The following NECAB1 variants were observed in gnomAD, a reference collection of about 807,000 sequenced individuals.
NECAB1 encodes N-terminal EF-hand calcium binding protein 1.
In NECAB1, 29 loss-of-function variants were observed where a neutral mutation model predicts 57.5. That is an observed-to-expected ratio of 0.50 (90% CI 0.38 to 0.69). The LOEUF is 0.69. Ranked by LOEUF, NECAB1 falls within the 30% of genes least tolerant of loss-of-function variation. The probability of loss-of-function intolerance (pLI) is 0.00; values close to 1 mark genes in which losing one functional copy is unlikely to be tolerated. For synonymous variants in NECAB1, 142 were observed against 147.7 expected (o/e 0.96, Z 0.28); for missense variants, 372 against 413.8 (o/e 0.90, Z 0.88).
chr8:90,796,644 C>A (rs1563489622), intron 1 of NECAB1, among the ~76,000 whole-genome samples: 1 of 152,150 alleles, frequency 6.6e-6, no homozygotes, highest in African/African-American at 2.4e-5. Flanking sequence ...TGCCTGTCTT[C>A]AAATTTTAAG....
chr8:90,831,788 T>G (rs1021497074), intron 3 of NECAB1, among the ~76,000 whole-genome samples: 1 of 152,134 alleles, frequency 6.6e-6, no homozygotes, highest in Non-Finnish European at 1.5e-5. Flanking sequence ...TAACATCTGG[T>G]TTTCTTCTCC....
At chr8:90,831,835 G>C (rs143960868) in intron 3 of NECAB1, among the ~76,000 whole-genome samples, 1 of 152,210 alleles carries the variant, frequency 6.6e-6, no homozygotes, top group Non-Finnish European at 1.5e-5. Flanking sequence ...TAGTATAGAT[G>C]TTCTGGGAAA....
At chr8:90,936,039 T>G (rs921890089) in intron 9 of NECAB1, among the ~76,000 whole-genome samples, 2 of 152,114 alleles carry the variant, frequency 1.3e-5, no homozygotes, top group Non-Finnish European at 2.9e-5. Flanking sequence ...CAATAAGATA[T>G]TTGTCATTAA....
intron 11 of NECAB1, among the ~76,000 whole-genome samples, 161 bp downstream of exon 11, chr8:90,950,045 T>C (rs147477884): frequency 1.3e-3 from 193 of 152,328 alleles, no homozygotes; most frequent in Non-Finnish European, 2.2e-3. Flanking sequence ...AAAAAATGTA[T>C]TTAATAGCTT....
intron 6 of NECAB1, among the ~76,000 whole-genome samples, chr8:90,924,143 C>T (rs756528522): frequency 2.0e-5 from 3 of 152,098 alleles, no homozygotes; most frequent in Admixed American, 1.3e-4. Flanking sequence ...ATCAAGAAAA[C>T]ACTAGATTTT....
chr8:90,898,016 C>G (rs1809403045), intron 5 of NECAB1, among the ~76,000 whole-genome samples: 1 of 152,172 alleles, frequency 6.6e-6, no homozygotes, highest in African/African-American at 2.4e-5. Context: ...TTTTTATCCT[C>G]TGTCATTTTC....
chr8:90,948,144 TG>T (rs2130265150), intron 10 of NECAB1, among the ~76,000 whole-genome samples: 1 of 152,314 alleles, frequency 6.6e-6, no homozygotes, highest in East Asian at 1.9e-4. Context: ...TACATCCCTT[TG>T]AAACTATGAT....
At chr8:90,821,954 A>G (rs1812150876) in intron 2 of NECAB1, among the ~76,000 whole-genome samples, 1 of 151,880 alleles carries the variant, frequency 6.6e-6, no homozygotes. Flanking sequence ...TGCTGCCTCC[A>G]TCTCAAAAAA....
chr8:90,812,679 T>C (rs956653704), intron 2 of NECAB1: 1 of 152,190 alleles, frequency 6.6e-6, no homozygotes, highest in Admixed American at 6.5e-5. Context: ...ATTTGGTTGA[T>C]TTTAAACTGA....
chr8:90,937,048 GA>G (rs111304306), intron 9 of NECAB1, among the ~76,000 whole-genome samples: 4 of 152,188 alleles, frequency 2.6e-5, no homozygotes, highest in Admixed American at 6.5e-5. Flanking sequence ...GAAGAAGGAA[GA>G]AAAGAAAAAG....
intron 5 of NECAB1, among the ~76,000 whole-genome samples, chr8:90,902,358 T>C (rs912781047): frequency 3.3e-5 from 5 of 152,076 alleles, no homozygotes; most frequent in African/African-American, 1.2e-4. Context: ...AGGCAGAAGT[T>C]GCAGTGAGCC....
rs1211034846 is a variant in NECAB1 at position 90,801,681 on chromosome 8, T to C, written c.100-10T>C. 2 of 1,520,318 alleles carry C rather than the reference T, an allele frequency of 1.3e-6. No homozygotes were observed. Among genetic ancestry groups the C allele is most frequent in the East Asian group, 2.5e-5 (1 of 40,380 alleles). The allele number at this position is 1,520,318 out of a possible 1,614,324, so 94.2% of individuals were successfully genotyped here. A position where few individuals can be genotyped will look rare whatever the true frequency, so the allele number is the denominator to read the frequency against. ...AATGCTGATAAAATTTTTTCCTTTT[T>C]CCTTTCCAGATACTGAGGAGAGCAG... On this transcript the variant is annotated splice_polypyrimidine_tract_variant and intron_variant, in intron 1 of 12. Transcript: ENST00000417640.
At chr8:90,905,841 A>G (rs867586174) in intron 5 of NECAB1, among the ~76,000 whole-genome samples, 3 of 152,150 alleles carry the variant, frequency 2.0e-5, no homozygotes, top group Non-Finnish European at 4.4e-5. Context: ...TTAATATTCT[A>G]GTTCCTAATT....
At chr8:90,887,216 A>G (rs1809024440) in intron 5 of NECAB1, among the ~76,000 whole-genome samples, 1 of 152,184 alleles carries the variant, frequency 6.6e-6, no homozygotes, top group South Asian at 2.1e-4. Context: ...ACCAGTCTGT[A>G]TATAGTCTTT....
At chr8:90,896,475 G>A (rs1027440322) in intron 5 of NECAB1, among the ~76,000 whole-genome samples, 1 of 151,902 alleles carries the variant, frequency 6.6e-6, no homozygotes, top group Non-Finnish European at 1.5e-5. Flanking sequence ...CGTGGTGGCG[G>A]GTGCCTGTAG....
intron 4 of NECAB1, among the ~76,000 whole-genome samples, chr8:90,874,909 C>T (rs1808686555): frequency 6.6e-6 from 1 of 151,694 alleles, no homozygotes; most frequent in Admixed American, 6.6e-5. Flanking sequence ...CAAAATTATC[C>T]ACTCTTCACA....
intron 5 of NECAB1, among the ~76,000 whole-genome samples, chr8:90,890,014 GT>G (rs1809119435): frequency 6.6e-6 from 1 of 151,990 alleles, no homozygotes; most frequent in Admixed American, 6.6e-5. Flanking sequence ...ATCTTTATCT[GT>G]TTTTTCCCTC....
chr8:90,792,679 A>G (rs1040467860), intron 1 of NECAB1, among the ~76,000 whole-genome samples: 1 of 151,962 alleles, frequency 6.6e-6, no homozygotes, highest in Non-Finnish European at 1.5e-5. Flanking sequence ...GCCTGCCTTC[A>G]TTACTCTGAT....
At chr8:90,908,539 G>A (rs911898795) in intron 5 of NECAB1, among the ~76,000 whole-genome samples, 10 of 152,126 alleles carry the variant, frequency 6.6e-5, no homozygotes, top group African/African-American at 2.4e-4. Context: ...AAAGAGTCCT[G>A]TATTTTACAG....
Sources: gnomAD v4.1 joint callset for allele counts (sites outside exome capture counted in the v4.1 genomes callset) on GRCh38, gnomAD v4.1.1 for gene constraint, MANE v1.5 for transcripts, NCBI Gene and HGNC (gene_info 2026-07-23, HGNC 2026-07-21) for gene names.